The following RMST variants were observed in gnomAD, a reference collection of about 807,000 sequenced individuals.
RMST encodes the protein long intergenic non-protein coding RNA 54.
chr12:97,540,406 G>A (rs1375987298), intron 11 of RMST, among the ~76,000 whole-genome samples: 1 of 151,708 alleles, frequency 6.6e-6, no homozygotes, highest in African/African-American at 2.4e-5. Flanking sequence ...TTTTTGGTTG[G>A]TTTATTGTCT....
At chr12:97,467,228 G>A (rs1049954626) in intron 5 of RMST, among the ~76,000 whole-genome samples, 5 of 152,026 alleles carry the variant, frequency 3.3e-5, no homozygotes, top group African/African-American at 1.2e-4. Context: ...TAAGATTACC[G>A]CTAATGTTAC....
chr12:97,490,427 CTG>C (rs1008192651), intron 5 of RMST, among the ~76,000 whole-genome samples: 5 of 152,170 alleles, frequency 3.3e-5, no homozygotes, highest in African/African-American at 1.2e-4. Context: ...CTTGCTGTCT[CTG>C]TAATCCTGTT....
At chr12:97,561,808 A>C (rs1884132144) in intron 13 of RMST, among the ~76,000 whole-genome samples, 1 of 152,048 alleles carries the variant, frequency 6.6e-6, no homozygotes, top group Non-Finnish European at 1.5e-5. Context: ...TTACCATTTC[A>C]AAAGCTTCAC....
chr12:97,551,391 G>A (rs952563839), intron 11 of RMST, among the ~76,000 whole-genome samples: 11 of 152,124 alleles, frequency 7.2e-5, no homozygotes, highest in Non-Finnish European at 1.6e-4. Flanking sequence ...TTATTTGCCT[G>A]CTAATTATTT....
At chr12:97,553,951 T>C (rs1164026499) in intron 11 of RMST, among the ~76,000 whole-genome samples, 2 of 107,494 alleles carry the variant, frequency 1.9e-5, no homozygotes, top group Admixed American at 8.1e-5. Flanking sequence ...TTCTTTCTCT[T>C]TTTTTTTTTT....
intron 4 of RMST, among the ~76,000 whole-genome samples, chr12:97,464,205 T>C (rs908709668): frequency 2.0e-5 from 3 of 152,212 alleles, no homozygotes; most frequent in Non-Finnish European, 2.9e-5. Flanking sequence ...GTGATTTTTA[T>C]GTTCTTAGTG....
intron 11 of RMST, among the ~76,000 whole-genome samples, chr12:97,542,697 C>A (rs1363104820): frequency 6.6e-6 from 1 of 151,914 alleles, no homozygotes; most frequent in Admixed American, 6.6e-5. Flanking sequence ...AACTACACGG[C>A]CCTAATTGAC....
At chr12:97,532,909 T>G (rs1467961148) in intron 11 of RMST, 1 of 151,766 alleles carries the variant, frequency 6.6e-6, no homozygotes, top group Non-Finnish European at 1.5e-5. Context: ...GATTAACCCT[T>G]CTGAAATTAA....
intron 11 of RMST, among the ~76,000 whole-genome samples, chr12:97,545,170 T>C (rs1049222278): frequency 6.6e-6 from 1 of 152,122 alleles, no homozygotes; most frequent in African/African-American, 2.4e-5. Context: ...TTTCATATAC[T>C]GCATTATGAA....
At chr12:97,559,088 TTCTCTCTCTC>T (rs56136727) in intron 11 of RMST, among the ~76,000 whole-genome samples, 10 of 146,564 alleles carry the variant, frequency 6.8e-5, no homozygotes, top group South Asian at 2.2e-4. Context: ...ATTTCGAGGT[TTCTCTCTCTC>T]TCTCTCTCTC....
intron 11 of RMST, among the ~76,000 whole-genome samples, chr12:97,557,741 A>G (rs1025222916): frequency 6.6e-6 from 1 of 152,150 alleles, no homozygotes; most frequent in Admixed American, 6.6e-5. Flanking sequence ...GGGTGTGCTT[A>G]GAGTTTGGAA....
chr12:97,557,499 A>G (rs78795663), intron 11 of RMST, among the ~76,000 whole-genome samples: 162 of 152,306 alleles, frequency 1.1e-3, no homozygotes, highest in African/African-American at 3.8e-3. Flanking sequence ...AGCTATACCT[A>G]TGAAACCCTT....
intron 11 of RMST, among the ~76,000 whole-genome samples, chr12:97,543,862 G>A (rs1001659163): frequency 6.6e-6 from 1 of 151,994 alleles, no homozygotes; most frequent in African/African-American, 2.4e-5. Context: ...TCTCAGGAAT[G>A]TATCCATCAT....
At chr12:97,554,776 T>C (rs868266621) in intron 11 of RMST, among the ~76,000 whole-genome samples, 10 of 152,152 alleles carry the variant, frequency 6.6e-5, no homozygotes, top group African/African-American at 2.2e-4. Flanking sequence ...ATATTGCTGG[T>C]AGTAGTGATT....
At chr12:97,485,266 A>T (rs1875950985) in intron 5 of RMST, among the ~76,000 whole-genome samples, 1 of 152,142 alleles carries the variant, frequency 6.6e-6, no homozygotes, top group Non-Finnish European at 1.5e-5. Context: ...CATAATTATG[A>T]CCCTTAGGTA....
chr12:97,473,213 T>C (rs994546260), intron 5 of RMST, among the ~76,000 whole-genome samples: 2 of 152,124 alleles, frequency 1.3e-5, no homozygotes, highest in African/African-American at 4.8e-5. Context: ...TTCTTGGAAA[T>C]GGATTTTAGA....
At chr12:97,488,676 T>G (rs1394322067) in intron 5 of RMST, among the ~76,000 whole-genome samples, 1 of 152,126 alleles carries the variant, frequency 6.6e-6, no homozygotes, top group Non-Finnish European at 1.5e-5. Context: ...CTAGAATAGC[T>G]TCTGGGCCTC....
chr12:97,536,862 A>G (rs1455392645), intron 11 of RMST, among the ~76,000 whole-genome samples: 2 of 151,512 alleles, frequency 1.3e-5, no homozygotes, highest in Non-Finnish European at 3.0e-5. Context: ...ATCTCCCCTT[A>G]GCCAGAACTT....
chr12:97,515,280 A>C (rs1444124947), intron 10 of RMST, among the ~76,000 whole-genome samples: 1 of 152,106 alleles, frequency 6.6e-6, no homozygotes, highest in East Asian at 1.9e-4. Context: ...TCTCAGTATC[A>C]CTTTCCTTAT....
Sources: allele counts gnomAD v4.1 joint callset (sites outside exome capture counted in the v4.1 genomes callset), GRCh38; gene constraint gnomAD v4.1.1; transcripts MANE v1.5; gene names NCBI Gene and HGNC (gene_info 2026-07-23, HGNC 2026-07-21).